Variants in ANGPTL1 observed in about 807,000 individuals in gnomAD.
ANGPTL1 encodes angiopoietin-related protein 1.
In ANGPTL1, 36 loss-of-function variants were observed where a neutral mutation model predicts 46.7. The observed-to-expected ratio is 0.77, with a 90% CI of 0.59 to 1.02. ANGPTL1 has a LOEUF of 1.02. ANGPTL1 is among the 50% of genes least tolerant of loss of function. The probability of loss-of-function intolerance (pLI) is 0.00; values close to 1 mark genes in which losing one functional copy is unlikely to be tolerated. For synonymous variants in ANGPTL1, 221 were observed against 204.3 expected (o/e 1.08, Z -0.69); for missense variants, 571 against 594.7 (o/e 0.96, Z 0.41).
At chr1:178,869,428 G>A (rs1203915912) in intron 1 of ANGPTL1, 2 of 152,008 alleles carry the variant, frequency 1.3e-5, no homozygotes, top group Admixed American at 1.3e-4. Context: ...CTAATCCCCT[G>A]GATATATTTA....
chr1:178,866,193 C>A (rs1389660856), intron 2 of ANGPTL1, among the ~76,000 whole-genome samples: 1 of 152,106 alleles, frequency 6.6e-6, no homozygotes, highest in African/African-American at 2.4e-5. Context: ...GAAAATGGTA[C>A]ACAGTGTTTG....
intron 3 of ANGPTL1, among the ~76,000 whole-genome samples, chr1:178,857,589 T>C (rs1472805061): frequency 1.3e-5 from 2 of 152,208 alleles, no homozygotes; most frequent in Non-Finnish European, 2.9e-5. Flanking sequence ...ATTAGTATTA[T>C]AGTTAATGCA....
intron 2 of ANGPTL1, among the ~76,000 whole-genome samples, chr1:178,866,135 GA>G (rs970625096): frequency 1.1e-4 from 17 of 152,056 alleles, no homozygotes; most frequent in Non-Finnish European, 2.5e-4. Context: ...TTGAGACCCT[GA>G]TAAGATAGCT....
At position 178,852,748 on chromosome 1, in the gene ANGPTL1, TC is replaced by T. The variant is rs745952913; in HGVS notation, c.1222del (p.Asp408IlefsTer3). 6 of 1,613,956 alleles carry T rather than the reference TC, an allele frequency of 3.7e-6. No homozygotes were observed. Among genetic ancestry groups the T allele is most frequent in the Non-Finnish European group, 5.1e-6 (6 of 1,179,876 alleles). ...TTTACCATTATGCCACATCATAGAA[TC>T]CCCTGCATTTCCCTGGTAAGTTCCC... ...RLGTYQGNAGDSMMWHNGKQF... is the reference protein window; with the variant it reads ...RLGTYQGNAGXSMMWHNGKQF... On this transcript the variant is annotated frameshift_variant, in exon 5 of 6. Transcript: ENST00000234816. LOFTEE classifies it high-confidence loss of function.
chr1:178,856,420 T>TTTTTTGTTG, intron 3 of ANGPTL1, among the ~76,000 whole-genome samples: 1 of 120,566 alleles, frequency 8.3e-6, no homozygotes, highest in Admixed American at 8.3e-5. Context: ...TTTTTTTTTT[T>TTTTTTGTTG]TTTTTTGAGA....
intron 3 of ANGPTL1, among the ~76,000 whole-genome samples, chr1:178,860,067 T>C (rs1237018781): frequency 6.6e-6 from 1 of 152,070 alleles, no homozygotes; most frequent in Non-Finnish European, 1.5e-5. Flanking sequence ...TTTGCCAGAA[T>C]CCAAGTTTAC....
At position 178,852,761 on chromosome 1, in the gene ANGPTL1, C is replaced by T. The variant is rs1249624826; in HGVS notation, c.1210G>A (p.Gly404Arg). 4.3e-6 allele frequency: 7 copies of T among 1,613,778 alleles called. No homozygotes were observed. Among genetic ancestry groups the T allele is most frequent in the Non-Finnish European group, 5.9e-6 (7 of 1,179,884 alleles). ...CACATCATAGAATCCCCTGCATTTCCCTGGTAAGTTCCCAGGCGCAGTCTA... is the reference window on the plus strand; with the variant it reads ...CACATCATAGAATCCCCTGCATTTCTCTGGTAAGTTCCCAGGCGCAGTCTA... The part of the protein sequence containing the change: ...FYRLRLGTYQ[G>R]NAGDSMMWHN... The change falls in exon 5 of 6, where the codon GGA becomes AGA. Residue 404 changes from glycine (G) to arginine (R), a missense_variant. By Grantham distance (125) the Gly-to-Arg change is moderately radical. Transcript: ENST00000234816.
intron 3 of ANGPTL1, 53 bp downstream of exon 3, chr1:178,864,901 G>T (rs1298244082): frequency 8.4e-7 from 1 of 1,192,544 alleles, no homozygotes; most frequent in Non-Finnish European, 1.1e-6. Context: ...GTTTCATAAG[G>T]CATAAAAATA....
intron 5 of ANGPTL1, among the ~76,000 whole-genome samples, chr1:178,852,264 G>A (rs1657220376): frequency 6.6e-6 from 1 of 152,128 alleles, no homozygotes; most frequent in Non-Finnish European, 1.5e-5. Flanking sequence ...ATTTTTGAGA[G>A]TACTTATTCC....
chr1:178,861,953 A>G (rs967330974), intron 3 of ANGPTL1, among the ~76,000 whole-genome samples: 1 of 151,604 alleles, frequency 6.6e-6, no homozygotes, highest in Non-Finnish European at 1.5e-5. Flanking sequence ...GCTCACTGCA[A>G]CCTCCGCCCC....
At chr1:178,855,955 TATCTA>T (rs1029974533) in intron 3 of ANGPTL1, among the ~76,000 whole-genome samples, 14 of 148,730 alleles carry the variant, frequency 9.4e-5, no homozygotes, top group Middle Eastern at 3.6e-3. Flanking sequence ...TTATATATAA[TATCTA>T]ATATAAGAAC....
chr1:178,851,040 T>A lies in ANGPTL1; in HGVS notation c.*89A>T. On this transcript the variant is annotated 3_prime_UTR_variant, in exon 6 of 6. Coordinates refer to ENST00000234816, the MANE Select transcript of ANGPTL1 (RefSeq NM_004673.4). ...AAAAACTTTCTGTGTAGAAATAAAT[T>A]GTGCCAAGTAATATACATGTAACAT... The A allele has an allele frequency of 8.2e-7, 1 of 1,212,446 alleles. No individual in the cohort carries two copies. 75.1% of individuals were successfully genotyped at this position (1,212,446 alleles called of 1,614,324 possible).
At position 178,860,956 on chromosome 1, in the gene ANGPTL1, G is replaced by A. The variant is rs112569685; in HGVS notation, c.823+3998C>T. On this transcript the variant is annotated intron_variant, in intron 3 of 5. Transcript: ENST00000234816. The stretch of plus-strand genomic sequence containing the variant: ...GTGAATAATTGAGCACATTGTGTAA[G>A]GAAAATAGCCAGCCTATTTGTTGTT... Among the ~76,000 whole-genome samples the A allele has an allele frequency of 1.3e-3, 199 of 152,260 alleles. 2 individuals are homozygous for A. Among genetic ancestry groups the A allele is most frequent in the African/African-American group, 4.3e-3 (178 of 41,550 alleles).
intron 2 of ANGPTL1, among the ~76,000 whole-genome samples, chr1:178,868,601 T>C (rs1443288886): frequency 6.6e-6 from 1 of 151,988 alleles, no homozygotes; most frequent in African/African-American, 2.4e-5. Context: ...CATCCAAGAC[T>C]GCTGTTAGGA....
Position 178,865,599 on chromosome 1 carries a change from T to C in ANGPTL1, c.178A>G (p.Ile60Val), listed in dbSNP as rs114952794. ...GTGTTGACACAGATTGGCCCTGTTA[T>C]TCTTTGTTCAGGTACCAGGAATGTG... The part of the protein sequence containing the change: ...AYTFLVPEQR[I>V]TGPICVNTKG... Residue 60 changes from isoleucine to valine, a missense_variant, in exon 3 of 6, where the codon ATA becomes GTA. Coordinates refer to ENST00000234816, the MANE Select transcript of ANGPTL1 (RefSeq NM_004673.4). The C allele has an allele frequency of 6.2e-7, 1 of 1,614,042 alleles. No homozygotes were observed. The highest frequency in any genetic ancestry group is 1.3e-5 in the African/African-American group (1 of 75,044).
intron 5 of ANGPTL1, among the ~76,000 whole-genome samples, chr1:178,851,900 AG>A (rs1043822398): frequency 6.6e-6 from 1 of 152,084 alleles, no homozygotes; most frequent in African/African-American, 2.4e-5. Flanking sequence ...GGAGGGGAGG[AG>A]GGGATCTCTG....
intron 3 of ANGPTL1, 53 bp downstream of exon 3, chr1:178,864,901 G>C (rs1298244082): frequency 5.0e-6 from 6 of 1,192,430 alleles, no homozygotes; most frequent in Non-Finnish European, 6.7e-6. Flanking sequence ...GTTTCATAAG[G>C]CATAAAAATA....
intron 3 of ANGPTL1, among the ~76,000 whole-genome samples, chr1:178,856,420 T>TTTTTTTTG (rs1558152822): frequency 1.7e-5 from 2 of 120,566 alleles, no homozygotes; most frequent in African/African-American, 7.0e-5. Flanking sequence ...TTTTTTTTTT[T>TTTTTTTTG]TTTTTTGAGA....
chr1:178,866,996 G>T (rs1455326176), intron 2 of ANGPTL1, among the ~76,000 whole-genome samples: 3 of 151,986 alleles, frequency 2.0e-5, no homozygotes, highest in African/African-American at 7.2e-5. Context: ...TCTATTACAG[G>T]CCACCTTTTC....
Sources: gnomAD v4.1 joint callset for allele counts (sites outside exome capture counted in the v4.1 genomes callset) on GRCh38, gnomAD v4.1.1 for gene constraint, MANE v1.5 for transcripts, NCBI Gene and HGNC (gene_info 2026-07-23, HGNC 2026-07-21) for gene names.